GPSM1: variants seen among roughly 807,000 people sequenced by gnomAD.
GPSM1 encodes the protein G protein-signaling modulator 1.
In GPSM1, 48 loss-of-function variants were observed where a neutral mutation model predicts 70.5. That is an observed-to-expected ratio of 0.68 (90% confidence interval 0.54 to 0.87). The LOEUF (loss-of-function observed/expected upper bound fraction) is 0.87. Ranked by LOEUF, GPSM1 falls within the 40% of genes least tolerant of loss-of-function variation. The probability of loss-of-function intolerance (pLI) is 0.00; values close to 1 mark genes in which losing one functional copy is unlikely to be tolerated. For missense variants in GPSM1, 981 were observed against 972.6 expected (o/e 1.01, Z -0.11); for synonymous variants, 416 against 430.1 (o/e 0.97, Z 0.41).
intron 1 of GPSM1, among the ~76,000 whole-genome samples, chr9:136,329,336 T>C (rs1832050182): frequency 6.6e-6 from 1 of 152,204 alleles, no homozygotes; most frequent in Non-Finnish European, 1.5e-5. Flanking sequence ...ACAGCCCGGT[T>C]TGGGCAGGCG....
At chr9:136,331,960 T>A in intron 1 of GPSM1, 1 of 398,004 alleles carries the variant, frequency 2.5e-6, no homozygotes, top group Middle Eastern at 6.3e-4. Flanking sequence ...CCCGTGGCCA[T>A]GGTGGGGCGA....
In GPSM1 at chr9:136,342,253, G is replaced by A. The variant is rs1289100745; in HGVS notation, c.1207+1260G>A. 1.3e-5 allele frequency among the ~76,000 whole-genome samples: 2 copies of A among 152,104 alleles called. No individual in the cohort carries two copies. Among genetic ancestry groups the A allele is most frequent in the Non-Finnish European group, 2.9e-5 (2 of 68,016 alleles). ...CCCCTAGTACCCTCCTGTGTCCCTG[G>A]CTCGGCACTGCCACCATCTGGGACC... is the stretch of plus-strand genomic sequence containing the variant. On this transcript the variant is annotated intron_variant, in intron 9 of 13. Transcript: ENST00000440944. This position sits in a 1 kb window ranked among gnomAD's most constrained non-coding sequence, Gnocchi z 5.5.
chr9:136,351,344 T>C (rs941090552), intron 11 of GPSM1, among the ~76,000 whole-genome samples: 1 of 151,932 alleles, frequency 6.6e-6, no homozygotes, highest in African/African-American at 2.4e-5. Context: ...TCCCTGGGCC[T>C]GGAGGGAGGA....
chr9:136,355,759 C>G lies in GPSM1; in HGVS notation c.1525C>G (p.Arg509Gly), dbSNP rs781903499. 3 of 1,612,212 alleles carry G rather than the reference C, an allele frequency of 1.9e-6. No homozygotes were observed. The highest frequency in any genetic ancestry group is 4.5e-5 in the East Asian group (2 of 44,862). The stretch of plus-strand genomic sequence containing the variant: ...CCTGTTGACCAAGTTCCAGAGCAGC[C>G]GCATGGACGACCAGCGTTGTCCCCT... Reference protein sequence around the residue: ...FDLLTKFQSSRMDDQRCPLDD... With the variant: ...FDLLTKFQSSGMDDQRCPLDD... Residue 509 changes from arginine (R) to glycine (G), a missense_variant, in exon 12 of 14, where the codon CGC becomes GGC. Physicochemically the swap from Arg to Gly is moderately radical, Grantham distance 125. Transcript: ENST00000440944.
chr9:136,330,672 G>C (rs1042131223), intron 1 of GPSM1, among the ~76,000 whole-genome samples: 6 of 152,204 alleles, frequency 3.9e-5, no homozygotes, highest in African/African-American at 1.4e-4. Context: ...CATCTGCTCA[G>C]GGGCCAGCAT....
Position 136,358,096 on chromosome 9 carries a change from G to C in GPSM1, c.1904G>C (p.Ser635Thr), listed in dbSNP as rs377644794. The C allele has an allele frequency of 7.4e-6, 12 of 1,612,692 alleles. No homozygotes were observed. Among genetic ancestry groups the C allele is most frequent in the South Asian group, 4.4e-5 (4 of 91,084 alleles). Reference sequence around the variant, plus strand: ...ACCATGCCGGACGAGGACTTCTTCAGCCTCATTCAGAGGGTGCAGGCTAAG... The same window carrying C: ...ACCATGCCGGACGAGGACTTCTTCACCCTCATTCAGAGGGTGCAGGCTAAG... ...GPTMPDEDFF[S>T]LIQRVQAKRM... Residue 635 changes from serine (S) to threonine (T), a missense_variant, in exon 14 of 14, where the codon AGC (serine) becomes ACC (threonine). By Grantham distance (58) the Ser-to-Thr change is moderately conservative. Transcript: ENST00000440944.
chr9:136,342,943 TG>T lies in GPSM1; in HGVS notation c.1207+1955del, dbSNP rs1216771565. Among the ~76,000 whole-genome samples, 8 of 151,696 alleles carry T rather than the reference TG, an allele frequency of 5.3e-5. No individual in the cohort carries two copies. Among genetic ancestry groups the T allele is most frequent in the East Asian group, 1.9e-4 (1 of 5,148 alleles). The stretch of plus-strand genomic sequence containing the variant: ...GCCTTGCTGTTGTGGGCGTGGTCCA[TG>T]GGGGCGGTGGGCGTGGCAGAGGCTG... On this transcript the variant is annotated intron_variant, in intron 9 of 13. Transcript: ENST00000440944. The surrounding 1 kb of genome is among the most constrained non-coding windows in gnomAD (Gnocchi z 5.5).
intron 1 of GPSM1, among the ~76,000 whole-genome samples, chr9:136,333,265 A>C (rs1004120220): frequency 1.3e-4 from 20 of 152,112 alleles, no homozygotes; most frequent in Admixed American, 6.5e-4. Context: ...TGGCCACCCC[A>C]TGGCATCTGC....
chr9:136,349,349 C>T (rs1832600874), intron 10 of GPSM1, among the ~76,000 whole-genome samples: 1 of 152,258 alleles, frequency 6.6e-6, no homozygotes, highest in Non-Finnish European at 1.5e-5. Flanking sequence ...CAGTCACTGT[C>T]ATTGCTGGTA....
rs1178488898 is a variant in GPSM1 at position 136,341,561 on chromosome 9, AG to A, written c.1207+574del. Reference sequence around the variant, plus strand: ...CAAAGCGAAAAGACTAATAGGTGCCAGGGGGGTGGTGCCAGGTTGGGCCGAC... The same window carrying A: ...CAAAGCGAAAAGACTAATAGGTGCCAGGGGGTGGTGCCAGGTTGGGCCGAC... On this transcript the variant is annotated intron_variant, in intron 9 of 13. Coordinates refer to ENST00000440944, the MANE Select transcript of GPSM1 (RefSeq NM_001145638.3). This position sits in a 1 kb window ranked among gnomAD's most constrained non-coding sequence, Gnocchi z 6.7. 6.8e-6 allele frequency: 7 copies of A among 1,031,646 alleles called. No homozygotes were observed. The highest frequency in any genetic ancestry group is 3.8e-5 in the South Asian group (1 of 26,132). The allele number at this position is 1,031,646 out of a possible 1,614,324, so 63.9% of individuals were successfully genotyped here.
rs1832932670 is a variant in GPSM1, at chr9:136,359,272, A to C, written c.*1052A>C. The C allele has an allele frequency of 6.6e-6, 1 of 152,192 alleles. No individual in the cohort carries two copies. Among genetic ancestry groups the C allele is most frequent in the Non-Finnish European group, 1.5e-5 (1 of 68,034 alleles). The allele number at this position is 152,192 out of a possible 1,614,324, so 9.4% of individuals were successfully genotyped here. On this transcript the variant is annotated 3_prime_UTR_variant, in exon 14 of 14. Coordinates refer to ENST00000440944, the MANE Select transcript of GPSM1 (RefSeq NM_001145638.3). ...CCAGACCCAGCCTTGGCACCTCCCA[A>C]GACTGCCAAGGGCCCTACCATGGCC...
At chr9:136,347,442 G>A (rs1240435185) in intron 9 of GPSM1, among the ~76,000 whole-genome samples, 1 of 152,122 alleles carries the variant, frequency 6.6e-6, no homozygotes, top group East Asian at 1.9e-4. Flanking sequence ...GGGAGCTGTG[G>A]GTGAGCAGGG....
intron 11 of GPSM1, among the ~76,000 whole-genome samples, chr9:136,350,897 G>A (rs782755130): frequency 2.6e-5 from 4 of 152,206 alleles, no homozygotes; most frequent in Admixed American, 2.0e-4. Flanking sequence ...TCAGACTCGG[G>A]GTTGGTGGGG....
chr9:136,337,385 G>T, intron 4 of GPSM1, 56 bp from the exon 5 acceptor site: 1 of 1,551,912 alleles, frequency 6.4e-7, no homozygotes, highest in South Asian at 1.2e-5. Flanking sequence ...TTCTAGCCTG[G>T]GGTGGGTGAG....
intron 1 of GPSM1, among the ~76,000 whole-genome samples, chr9:136,331,642 C>T (rs1311941626): frequency 6.6e-6 from 1 of 152,210 alleles, no homozygotes; most frequent in African/African-American, 2.4e-5. Flanking sequence ...GGTCCTGGGG[C>T]AGAGCAGCCC....
intron 10 of GPSM1, 35 bp from the exon 11 acceptor site, chr9:136,349,552 T>C (rs1234495362): frequency 7.8e-6 from 12 of 1,534,612 alleles, no homozygotes; most frequent in Middle Eastern, 1.7e-4. Context: ...TGGTTCACAA[T>C]TGCCCAGGCC....
rs1343660643 is a variant in GPSM1, at chr9:136,335,935, G to C, written c.291-31G>C. On this transcript the variant is annotated intron_variant, in intron 2 of 13. Coordinates refer to ENST00000440944, the MANE Select transcript of GPSM1 (RefSeq NM_001145638.3). ...GGCCCAGAGGCCTGACCAGTCCTCA[G>C]CCTGACCCCTCACTCCTCCCTGCCA... is the stretch of plus-strand genomic sequence containing the variant. 5 of 1,608,598 alleles carry C rather than the reference G, an allele frequency of 3.1e-6. No individual in the cohort carries two copies. In the African/African-American group the frequency reaches 6.7e-5, roughly 21 times the overall value.
intron 5 of GPSM1, 113 bp downstream of exon 5, chr9:136,337,677 C>T (rs1316691088): frequency 2.6e-5 from 28 of 1,096,608 alleles, no homozygotes; most frequent in South Asian, 4.2e-5. Flanking sequence ...GCAGCAGGCC[C>T]GCCCCACCGA....
Position 136,336,952 on chromosome 9 carries a change from G to A in GPSM1, c.458G>A (p.Gly153Glu). The A allele has an allele frequency of 6.4e-7, 1 of 1,557,628 alleles. No individual in the cohort carries two copies. Among genetic ancestry groups the A allele is most frequent in the Non-Finnish European group, 8.7e-7 (1 of 1,151,380 alleles). ...VGEARALYNI[G>E]NVYHAKGKQL... ...GAGGCGAGGGCCCTCTACAACATCG[G>A]GAACGTGTACCACGCCAAAGGCAAG... Residue 153 changes from glycine to glutamate, a missense_variant, in exon 4 of 14, where the codon GGG becomes GAG. Physicochemically the swap from Gly to Glu is moderately conservative, Grantham distance 98. Coordinates refer to ENST00000440944, the MANE Select transcript of GPSM1 (RefSeq NM_001145638.3).
Sources: allele counts gnomAD v4.1 joint callset (sites outside exome capture counted in the v4.1 genomes callset), GRCh38; gene constraint gnomAD v4.1.1; non-coding constraint Gnocchi (gnomAD v3.1); transcripts MANE v1.5; gene names NCBI Gene and HGNC (gene_info 2026-07-23, HGNC 2026-07-21).